Variants in C8orf34 observed in about 807,000 individuals in gnomAD.
C8orf34 encodes chromosome 8 open reading frame 34.
A neutral mutation model predicts 68.3 loss-of-function variants in C8orf34; 65 were observed. The ratio of observed to expected loss-of-function variants is 0.95; its 90% CI spans 0.78 to 1.17. The LOEUF (loss-of-function observed/expected upper bound fraction) is 1.17, where lower values mean the gene tolerates loss of function less well. C8orf34 is among the 50% of genes most tolerant of loss of function. The pLI is 0.00. For synonymous variants in C8orf34, 244 were observed against 241.2 expected (o/e 1.01, Z -0.11); for missense variants, 664 against 655.4 (o/e 1.01, Z -0.14).
At chr8:68,631,221 C>T (rs1358488658) in intron 7 of C8orf34, among the ~76,000 whole-genome samples, 1 of 151,892 alleles carries the variant, frequency 6.6e-6, no homozygotes, top group Non-Finnish European at 1.5e-5. Context: ...GAGATCATGC[C>T]ACTGCACTCC....
At chr8:68,567,436 T>C (rs540348216) in intron 7 of C8orf34, among the ~76,000 whole-genome samples, 1 of 152,204 alleles carries the variant, frequency 6.6e-6, no homozygotes, top group East Asian at 1.9e-4. Flanking sequence ...CCTCGAATGA[T>C]GTTTTGTATT....
chr8:68,451,564 T>C (rs1811346364), intron 3 of C8orf34, among the ~76,000 whole-genome samples: 1 of 151,988 alleles, frequency 6.6e-6, no homozygotes, highest in Non-Finnish European at 1.5e-5. Flanking sequence ...TTTCAGGGAA[T>C]AGGGAAGCCC....
At chr8:68,506,914 A>T (rs2129633027) in intron 5 of C8orf34, among the ~76,000 whole-genome samples, 1 of 152,056 alleles carries the variant, frequency 6.6e-6, no homozygotes, top group Non-Finnish European at 1.5e-5. Flanking sequence ...GAAGTTTGTC[A>T]TTTGTCCATT....
chr8:68,640,583 G>A, intron 8 of C8orf34, 72 bp downstream of exon 8: 5 of 1,414,244 alleles, frequency 3.5e-6, no homozygotes, highest in Non-Finnish European at 3.9e-6. Context: ...TTGATACAAA[G>A]ATTGTACTCT....
At chr8:68,424,061 C>T (rs1810101261) in intron 1 of C8orf34, among the ~76,000 whole-genome samples, 2 of 152,054 alleles carry the variant, frequency 1.3e-5, no homozygotes, top group Admixed American at 6.6e-5. Context: ...ATCACCTGTG[C>T]CCCTGCCTTC....
chr8:68,525,782 T>A (rs200337190), intron 6 of C8orf34: 1 of 558,926 alleles, frequency 1.8e-6, no homozygotes, highest in South Asian at 1.5e-5. Flanking sequence ...GTAGCCATGC[T>A]TCATCACAGT....
intron 2 of C8orf34, among the ~76,000 whole-genome samples, chr8:68,441,039 C>T (rs559892938): frequency 4.6e-5 from 7 of 152,116 alleles, no homozygotes; most frequent in African/African-American, 9.7e-5. Flanking sequence ...CTCCTGACCT[C>T]GTGATCCGCC....
At chr8:68,778,926 T>A (rs1005226049) in intron 11 of C8orf34, among the ~76,000 whole-genome samples, 1 of 152,042 alleles carries the variant, frequency 6.6e-6, no homozygotes, top group Non-Finnish European at 1.5e-5. Flanking sequence ...CCTGTAATCC[T>A]AGAACTTTGG....
chr8:68,498,252 T>C (rs183083344), intron 5 of C8orf34, among the ~76,000 whole-genome samples: 65 of 152,128 alleles, frequency 4.3e-4, no homozygotes, highest in African/African-American at 1.5e-3. Context: ...GCAGAAGAGA[T>C]GGTATGGGGG....
intron 8 of C8orf34, among the ~76,000 whole-genome samples, chr8:68,655,816 G>A (rs1251694080): frequency 3.3e-5 from 5 of 152,138 alleles, no homozygotes; most frequent in Non-Finnish European, 7.3e-5. Flanking sequence ...AAAACCCTGT[G>A]TTTATCAATT....
intron 7 of C8orf34, among the ~76,000 whole-genome samples, chr8:68,625,209 C>T (rs936464449): frequency 6.6e-6 from 1 of 152,076 alleles, no homozygotes; most frequent in Non-Finnish European, 1.5e-5. Flanking sequence ...TACAAGAGAC[C>T]TCAGGGCCGT....
intron 3 of C8orf34, among the ~76,000 whole-genome samples, chr8:68,455,234 C>T (rs1256177402): frequency 1.3e-5 from 2 of 152,072 alleles, no homozygotes; most frequent in African/African-American, 2.4e-5. Flanking sequence ...GTGGAATGTT[C>T]TGTGTACATC....
At chr8:68,433,426 C>T (rs1810530524) in intron 1 of C8orf34, among the ~76,000 whole-genome samples, 1 of 152,106 alleles carries the variant, frequency 6.6e-6, no homozygotes, top group African/African-American at 2.4e-5. Flanking sequence ...CAAAAAAGGC[C>T]ATGTAGTAAA....
chr8:68,577,094 C>T (rs1283561911), intron 7 of C8orf34, among the ~76,000 whole-genome samples: 1 of 151,958 alleles, frequency 6.6e-6, no homozygotes, highest in East Asian at 1.9e-4. Context: ...ATCTTCAGGA[C>T]GTTTATTAGA....
At chr8:68,425,812 G>A (rs1386244702) in intron 1 of C8orf34, among the ~76,000 whole-genome samples, 2 of 151,574 alleles carry the variant, frequency 1.3e-5, no homozygotes, top group African/African-American at 4.8e-5. Flanking sequence ...AGACATAGTG[G>A]TGCTGGCAGA....
intron 7 of C8orf34, chr8:68,533,372 T>G: frequency 7.9e-7 from 1 of 1,261,758 alleles, no homozygotes; most frequent in Non-Finnish European, 1.0e-6. Context: ...TTGTGCTTTG[T>G]GTATGCTGCA....
intron 7 of C8orf34, among the ~76,000 whole-genome samples, chr8:68,633,328 A>T (rs1471708604): frequency 6.6e-6 from 1 of 152,146 alleles, no homozygotes; most frequent in African/African-American, 2.4e-5. Context: ...AATATCTGGC[A>T]TTTTCCCCCC....
chr8:68,550,244 A>G (rs1487880457), intron 7 of C8orf34, among the ~76,000 whole-genome samples: 1 of 151,514 alleles, frequency 6.6e-6, no homozygotes, highest in Non-Finnish European at 1.5e-5. Context: ...TTCTTAGTAT[A>G]TCTGTCATAC....
rs910056016 is a variant in C8orf34, at chr8:68,342,982, A to G, written c.327+11643A>G. The stretch of plus-strand genomic sequence containing the variant: ...TCATGAAATTGTGAAGAGGAAAAGA[A>G]GAAATTTGTGTATAAGTAGAGTTTG... On this transcript the variant is annotated intron_variant, in intron 1 of 13. Transcript: ENST00000518698. Among the ~76,000 whole-genome samples, 8 of 152,308 alleles carry G rather than the reference A, an allele frequency of 5.3e-5. 1 individual carries two copies. The South Asian group carries it at 1.5e-3, about 28-fold the overall frequency.
Sources: allele counts gnomAD v4.1 joint callset (sites outside exome capture counted in the v4.1 genomes callset), GRCh38; gene constraint gnomAD v4.1.1; transcripts MANE v1.5; gene names NCBI Gene and HGNC (gene_info 2026-07-23, HGNC 2026-07-21).